MTA3: variants seen among roughly 807,000 people sequenced by gnomAD.
MTA3 encodes metastasis associated 1 family member 3, also known as metastasis-associated protein MTA3.
In MTA3, 34 loss-of-function variants were observed where a neutral mutation model predicts 83.5. The observed-to-expected ratio is 0.41, with a 90% CI of 0.31 to 0.54. MTA3 has a LOEUF of 0.54. MTA3 is among the 20% of genes least tolerant of loss of function. The pLI is 0.33. For missense variants in MTA3, 761 were observed against 726.4 expected, an observed-to-expected ratio of 1.05 and a Z score of -0.55; for synonymous variants, 303 against 252.7, an observed-to-expected ratio of 1.20 and a Z score of -1.89.
chr2:42,594,834 C>T (rs1253453857), intron 3 of MTA3, among the ~76,000 whole-genome samples: 1 of 144,192 alleles, frequency 6.9e-6, no homozygotes, highest in Non-Finnish European at 1.5e-5. Flanking sequence ...TCACGCCATT[C>T]TCCCGCCTCA....
chr2:42,516,904 T>C (rs1340911920), intron 2 of MTA3, among the ~76,000 whole-genome samples: 1 of 152,016 alleles, frequency 6.6e-6, no homozygotes, highest in Non-Finnish European at 1.5e-5. Flanking sequence ...AAGGGAGGAA[T>C]ACTTGAGCCC....
At chr2:42,698,053 A>C (rs1693545968) in intron 11 of MTA3, among the ~76,000 whole-genome samples, 1 of 152,210 alleles carries the variant, frequency 6.6e-6, no homozygotes, top group African/African-American at 2.4e-5. Context: ...TGTACTATGT[A>C]CTATACTTTT....
chr2:42,667,183 A>G (rs961872465), intron 8 of MTA3, among the ~76,000 whole-genome samples: 3 of 152,132 alleles, frequency 2.0e-5, no homozygotes, highest in Admixed American at 1.3e-4. Context: ...AGTAGCTAGG[A>G]TTATAGGTGT....
chr2:42,546,405 A>C (rs1389308601), intron 2 of MTA3, among the ~76,000 whole-genome samples: 1 of 152,090 alleles, frequency 6.6e-6, no homozygotes, highest in African/African-American at 2.4e-5. Flanking sequence ...TCTGACCCTG[A>C]GTGTCCCTGG....
At chr2:42,648,835 T>C (rs926715620) in intron 6 of MTA3, among the ~76,000 whole-genome samples, 1 of 152,216 alleles carries the variant, frequency 6.6e-6, no homozygotes, top group South Asian at 2.1e-4. Flanking sequence ...TTAAAGTATG[T>C]TATGAAAACC....
rs1670093619 is a variant in MTA3 at position 42,754,302 on chromosome 2, T to C, written c.*903T>C. The C allele has an allele frequency of 3.0e-6, 3 of 985,476 alleles. No homozygotes were observed. Among genetic ancestry groups the C allele is most frequent in the Non-Finnish European group, 2.4e-6 (2 of 829,960 alleles). The allele number at this position is 985,476 out of a possible 1,614,324, so 61.0% of individuals were successfully genotyped here. A position where few individuals can be genotyped will look rare whatever the true frequency, so the allele number is the denominator to read the frequency against. On this transcript the variant is annotated 3_prime_UTR_variant, in exon 17 of 17. Transcript: ENST00000405094. ...CTAGTTTCATTTTAAGCAGACAGAC[T>C]CTGTTTGGCCTAGAGGTGTGGAGTG...
intron 2 of MTA3, among the ~76,000 whole-genome samples, chr2:42,546,170 T>C (rs191129452): frequency 6.6e-6 from 1 of 152,248 alleles, no homozygotes; most frequent in Non-Finnish European, 1.5e-5. Flanking sequence ...GCAATAACAA[T>C]GGAGGCGCCT....
chr2:42,519,131 A>G (rs760630209), intron 2 of MTA3, among the ~76,000 whole-genome samples: 2 of 152,120 alleles, frequency 1.3e-5, no homozygotes, highest in African/African-American at 2.4e-5. Context: ...ATAATCAGTC[A>G]TGTTGATCAC....
intron 3 of MTA3, among the ~76,000 whole-genome samples, chr2:42,604,144 C>T (rs570830218): frequency 6.8e-4 from 104 of 151,878 alleles, no homozygotes; most frequent in African/African-American, 2.3e-3. Context: ...TGGGTTCAAG[C>T]GATTCTCCTG....
In MTA3 at chr2:42,639,327, G is replaced by A. The variant is rs370672415; in HGVS notation, c.318-846G>A. 3.3e-5 allele frequency among the ~76,000 whole-genome samples: 5 copies of A among 151,908 alleles called. No homozygotes were observed. In the East Asian group the frequency reaches 7.7e-4, roughly 23 times the overall value. On this transcript the variant is annotated intron_variant, in intron 4 of 16. Transcript: ENST00000405094. ...TGTTTAGAAAATCAAATGATCTTAC[G>A]ACATTTTAAAGAAACATTGTGTGAG...
intron 3 of MTA3, among the ~76,000 whole-genome samples, chr2:42,606,806 A>G (rs1029617110): frequency 6.6e-6 from 1 of 150,736 alleles, no homozygotes; most frequent in Non-Finnish European, 1.5e-5. Flanking sequence ...CACTGAGTGA[A>G]CGAGACTCCG....
intron 9 of MTA3, 54 bp downstream of exon 9, chr2:42,682,643 T>C: frequency 6.7e-7 from 1 of 1,485,024 alleles, no homozygotes; most frequent in Non-Finnish European, 9.2e-7. Context: ...TATTCTGTTT[T>C]AGAAATCTGG....
chr2:42,735,374 T>A (rs1158129706), intron 16 of MTA3, among the ~76,000 whole-genome samples: 2 of 152,208 alleles, frequency 1.3e-5, no homozygotes, highest in Non-Finnish European at 2.9e-5. Flanking sequence ...TCCTTTTCTC[T>A]TGCTACTTTT....
chr2:42,695,577 G>A (rs1051707898), intron 9 of MTA3, among the ~76,000 whole-genome samples, 188 bp from the exon 10 acceptor site: 6 of 134,412 alleles, frequency 4.5e-5, no homozygotes, highest in Non-Finnish European at 9.3e-5. Context: ...GGAGGTTGCT[G>A]TGAGCTGACA....
At chr2:42,595,684 G>T (rs77907856) in intron 3 of MTA3, among the ~76,000 whole-genome samples, 4,120 of 152,028 alleles carry the variant, frequency 0.027, 168 homozygotes, top group African/African-American at 0.094. Flanking sequence ...ACCTTCCCAT[G>T]TTTAAGTAAA....
chr2:42,500,591 T>C (rs1674352157), intron 2 of MTA3, among the ~76,000 whole-genome samples: 1 of 152,054 alleles, frequency 6.6e-6, no homozygotes, highest in African/African-American at 2.4e-5. Flanking sequence ...TTCTCAGATA[T>C]CTAAGGCTGA....
rs5830734 is a variant in MTA3, at chr2:42,672,645, CAAAAAAAAAAAA to C, written c.703-9738_703-9727del. 9.2e-3 allele frequency among the ~76,000 whole-genome samples: 474 copies of C among 51,580 alleles called. 5 individuals are homozygous for C. The highest frequency in any genetic ancestry group is 0.011 in the Non-Finnish European group (342 of 31,878). The allele number at this position is 51,580 out of a possible 152,430, so 33.8% of individuals were successfully genotyped here. ...GGGTCACAGAGCAAGATTCCATCTC[CAAAAAAAAAAAA>C]AAAAAAAAAAAAAAAAAGTAATCAA... is the stretch of plus-strand genomic sequence containing the variant. On this transcript the variant is annotated intron_variant, in intron 8 of 16. Transcript: ENST00000405094.
intron 16 of MTA3, among the ~76,000 whole-genome samples, chr2:42,737,751 G>A (rs1016305738): frequency 6.6e-6 from 1 of 152,180 alleles, no homozygotes; most frequent in Non-Finnish European, 1.5e-5. Context: ...TGAAGAATTT[G>A]CCCAAAGTCG....
At chr2:42,714,284 A>G (rs1666866123) in intron 14 of MTA3, among the ~76,000 whole-genome samples, 1 of 152,056 alleles carries the variant, frequency 6.6e-6, no homozygotes, top group African/African-American at 2.4e-5. Flanking sequence ...TTATCTCTTA[A>G]TCTGTGATAT....
Sources: gnomAD v4.1 joint callset for allele counts (sites outside exome capture counted in the v4.1 genomes callset) on GRCh38, gnomAD v4.1.1 for gene constraint, MANE v1.5 for transcripts, NCBI Gene and HGNC (gene_info 2026-07-23, HGNC 2026-07-21) for gene names.